Variants in HDHD5 observed in about 807,000 individuals in gnomAD.
The protein encoded by HDHD5 is haloacid dehalogenase like hydrolase domain containing 5.
In HDHD5, 34 loss-of-function variants were observed where a neutral mutation model predicts 35.5. The observed-to-expected ratio is 0.96, with a 90% CI of 0.73 to 1.28. The LOEUF (loss-of-function observed/expected upper bound fraction) is 1.28. HDHD5 is among the 50% of genes most tolerant of loss of function. The pLI, the probability that HDHD5 is intolerant of heterozygous loss-of-function variation, is 0.00. For synonymous variants in HDHD5, 248 were observed against 240.6 expected, an observed-to-expected ratio of 1.03 and a Z score of -0.29; for missense variants, 589 against 560.2, an observed-to-expected ratio of 1.05 and a Z score of -0.52.
chr22:17,144,845 C>T (rs1034657360), intron 4 of HDHD5, among the ~76,000 whole-genome samples, 179 bp downstream of exon 4: 1 of 152,078 alleles, frequency 6.6e-6, no homozygotes, highest in Non-Finnish European at 1.5e-5. Context: ...GCCACCGCAG[C>T]CAGCCTCTGG....
chr22:17,157,315 TGGAGTGCAATGG>T (rs1021014634), intron 1 of HDHD5, among the ~76,000 whole-genome samples: 7 of 148,750 alleles, frequency 4.7e-5, no homozygotes, highest in Non-Finnish European at 1.0e-4. Context: ...TTGCCCGGGC[TGGAGTGCAATGG>T]CCCGATCTCC....
chr22:17,148,147 A>T (rs1489292655), intron 3 of HDHD5, among the ~76,000 whole-genome samples: 1 of 152,210 alleles, frequency 6.6e-6, no homozygotes, highest in Non-Finnish European at 1.5e-5. Context: ...TTTTTTAAAA[A>T]ATACAGATTC....
In HDHD5 at chr22:17,159,229, G is replaced by GCCACACAGCC. The variant is rs2061840775; in HGVS notation, c.13_22dup (p.Ala8GlyfsTer127). 8.4e-7 allele frequency: 1 copy of GCCACACAGCC among 1,193,602 alleles called. No homozygotes were observed. Among genetic ancestry groups the GCCACACAGCC allele is most frequent in the Non-Finnish European group, 1.0e-6 (1 of 965,900 alleles). 73.9% of individuals were successfully genotyped at this position (1,193,602 alleles called of 1,614,324 possible). On this transcript the variant is annotated frameshift_variant, in exon 1 of 8. Coordinates refer to ENST00000336737, the MANE Select transcript of HDHD5 (RefSeq NM_033070.3). LOFTEE classifies it high-confidence loss of function. The stretch of plus-strand genomic sequence containing the variant: ...AAGCCCACGCGCCGCGCCGAGCGCA[G>GCCACACAGCC]CCACACAGCCCCACGCAGCCATCCG...
In HDHD5 at chr22:17,141,114, G is replaced by T; in HGVS notation, c.691C>A (p.Pro231Thr). ...GLATPPYPHL[P>T]VLASNMDLLW... is the part of the protein sequence containing the mutation. ...AGATCCATGTTGCTGGCTAGGACGG[G>T]GAGGTGGGGGTAGGGGGGTGTTGCC... Residue 231 changes from proline (P) to threonine (T), a missense_variant, in exon 6 of 8, where the codon CCC (proline) becomes ACC (threonine). Coordinates refer to ENST00000336737, the MANE Select transcript of HDHD5 (RefSeq NM_033070.3). The T allele has an allele frequency of 6.3e-7, 1 of 1,596,192 alleles. No homozygotes were observed. Among genetic ancestry groups the T allele is most frequent in the South Asian group, 1.1e-5 (1 of 88,722 alleles).
chr22:17,139,539 C>A (rs71312075), intron 6 of HDHD5, among the ~76,000 whole-genome samples: 9,678 of 149,218 alleles, frequency 0.065, 383 homozygotes, highest in South Asian at 0.19. Context: ...AAAAAAAAAA[C>A]AAACAAACTG....
intron 6 of HDHD5, 23 bp from the exon 7 acceptor site, chr22:17,138,761 A>C: frequency 6.2e-7 from 1 of 1,613,828 alleles, no homozygotes; most frequent in Non-Finnish European, 8.5e-7. Flanking sequence ...AGCACGCAGC[A>C]GTTCAGTCTT....
chr22:17,138,283 GC>G lies in HDHD5; in HGVS notation c.1009del (p.Ala337ArgfsTer4), dbSNP rs780064626. The G allele has an allele frequency of 3.7e-6, 6 of 1,614,044 alleles. No individual in the cohort carries two copies. The highest frequency in any genetic ancestry group is 5.1e-6 in the Non-Finnish European group (6 of 1,180,050). On this transcript the variant is annotated frameshift_variant, in exon 8 of 8. Coordinates refer to ENST00000336737, the MANE Select transcript of HDHD5 (RefSeq NM_033070.3). LOFTEE classifies it low-confidence loss of function (END_TRUNC). ...TGTGCCCCCGGCCCCTAGTTCTGGC[GC>G]CCCATCATGCGTTGCCTTCTGCAGG... Reference protein sequence around the residue: ...QYLQKATHDGAPELGAGGTRQ... With the variant: ...QYLQKATHDGXPELGAGGTRQ...
chr22:17,161,299 C>CT (rs1293046024), upstream of HDHD5, among the ~76,000 whole-genome samples: 1 of 151,370 alleles, frequency 6.6e-6, no homozygotes, highest in African/African-American at 2.4e-5. Flanking sequence ...TGGCTCATGC[C>CT]TGTAATCCCA....
intron 1 of HDHD5, among the ~76,000 whole-genome samples, chr22:17,153,843 T>C (rs1714275802): frequency 1.3e-5 from 2 of 152,080 alleles, no homozygotes; most frequent in Non-Finnish European, 2.9e-5. Flanking sequence ...ACCCTATCCC[T>C]TTCTGAAGGA....
chr22:17,149,559 C>CT lies in HDHD5; in HGVS notation c.312dup (p.Ala105SerfsTer27), dbSNP rs754936342. On this transcript the variant is annotated frameshift_variant, in exon 2 of 8. Coordinates refer to ENST00000336737, the MANE Select transcript of HDHD5 (RefSeq NM_033070.3). LOFTEE classifies it high-confidence loss of function. Reference sequence around the variant, plus strand: ...CTTCTCACCTCGCACCCCAGCAGGGCTGACAGCTCCTGGGCTTTGCTGTGT... The same window carrying CT: ...CTTCTCACCTCGCACCCCAGCAGGGCTTGACAGCTCCTGGGCTTTGCTGTGT... 35 of 1,612,228 alleles carry CT rather than the reference C, an allele frequency of 2.2e-5. No individual in the cohort carries two copies. Among genetic ancestry groups the CT allele is most frequent in the Non-Finnish European group, 4.2e-6 (5 of 1,179,968 alleles).
At position 17,137,848 on chromosome 22, in the gene HDHD5, G is replaced by T; in HGVS notation, c.*173C>A. The T allele has an allele frequency of 1.7e-6, 1 of 601,882 alleles. No homozygotes were observed. Among genetic ancestry groups the T allele is most frequent in the Non-Finnish European group, 2.9e-6 (1 of 342,814 alleles). 37.3% of individuals were successfully genotyped at this position (601,882 alleles called of 1,614,324 possible). ...TCCATACAAAATGCTACCCAGCAGG[G>T]AAAAAGAGTCACTGTCTTCTTCCAA... On this transcript the variant is annotated 3_prime_UTR_variant, in exon 8 of 8. Transcript: ENST00000336737.
intron 1 of HDHD5, among the ~76,000 whole-genome samples, chr22:17,157,077 C>CGCACACAT (rs1482997992): frequency 1.5e-5 from 1 of 66,170 alleles, no homozygotes; most frequent in Admixed American, 1.7e-4. Context: ...GACACCGTCT[C>CGCACACAT]ACACACATAC....
intron 1 of HDHD5, among the ~76,000 whole-genome samples, chr22:17,151,987 A>G (rs1180479510): frequency 2.0e-5 from 3 of 152,186 alleles, no homozygotes; most frequent in African/African-American, 7.2e-5. Context: ...TCCTGTAACA[A>G]AACTCTTTGC....
Position 17,138,037 on chromosome 22 carries a change from CCCT to C in HDHD5, c.1253_1255del (p.Glu418del). On this transcript the variant is annotated inframe_deletion, in exon 8 of 8. Transcript: ENST00000336737. ...GCACTGCCCTCACTCCAAAGCCCAG[CCCT>C]CCTTGCGGAAGACCAGCTGCACAGC... The C allele has an allele frequency of 6.2e-7, 1 of 1,612,592 alleles. No individual in the cohort carries two copies. The highest frequency in any genetic ancestry group is 8.5e-7 in the Non-Finnish European group (1 of 1,178,796).
intron 1 of HDHD5, among the ~76,000 whole-genome samples, chr22:17,154,114 G>A (rs1236697547): frequency 1.3e-5 from 2 of 150,856 alleles, no homozygotes; most frequent in East Asian, 2.0e-4. Context: ...TGCCCACCTC[G>A]GCCTCCCAAA....
upstream of HDHD5, among the ~76,000 whole-genome samples, chr22:17,163,577 A>G (rs1418976827): frequency 6.6e-6 from 1 of 152,130 alleles, no homozygotes; most frequent in Non-Finnish European, 1.5e-5. Context: ...AGCCACACCT[A>G]TATGACCACA....
intron 1 of HDHD5, among the ~76,000 whole-genome samples, chr22:17,157,074 T>TCACACA (rs1388907001): frequency 1.9e-5 from 1 of 52,780 alleles, no homozygotes; most frequent in Non-Finnish European, 3.5e-5. Flanking sequence ...CTAGACACCG[T>TCACACA]CTCACACACA....
At chr22:17,139,285 T>C (rs1278466337) in intron 6 of HDHD5, among the ~76,000 whole-genome samples, 1 of 152,152 alleles carries the variant, frequency 6.6e-6, no homozygotes, top group Non-Finnish European at 1.5e-5. Context: ...CTTAGCACTT[T>C]GGGAGGCCAA....
intron 1 of HDHD5, chr22:17,158,837 G>A (rs2061833208): frequency 4.3e-6 from 1 of 234,416 alleles, no homozygotes; most frequent in Non-Finnish European, 8.2e-6. Context: ...AGGGAAAACA[G>A]GGACGCGGAA....
Sources: allele counts gnomAD v4.1 joint callset (sites outside exome capture counted in the v4.1 genomes callset), GRCh38; gene constraint gnomAD v4.1.1; transcripts MANE v1.5; gene names NCBI Gene and HGNC (gene_info 2026-07-23, HGNC 2026-07-21).